The following FAM216A variants were observed in gnomAD, a reference collection of about 807,000 sequenced individuals.
The protein encoded by FAM216A is family with sequence similarity 216 member A, also known as protein FAM216A.
FAM216A carries 26 observed loss-of-function variants against 37.6 expected under a neutral mutation model. The ratio of observed to expected loss-of-function variants is 0.69; its 90% CI spans 0.51 to 0.96. FAM216A has a LOEUF of 0.96. Ranked by LOEUF, FAM216A falls within the 40% of genes least tolerant of loss-of-function variation. FAM216A has a pLI of 0.00. For synonymous variants in FAM216A, 110 were observed against 121.7 expected, an observed-to-expected ratio of 0.90 and a Z score of 0.64; for missense variants, 326 against 339.3, an observed-to-expected ratio of 0.96 and a Z score of 0.31.
intron 1 of FAM216A, among the ~76,000 whole-genome samples, chr12:110,470,529 G>A (rs915674867): frequency 2.0e-5 from 3 of 150,424 alleles, no homozygotes; most frequent in African/African-American, 4.9e-5. Flanking sequence ...CCAGGCTGGA[G>A]TGCAGTGTCA....
chr12:110,486,254 CT>C, intron 3 of FAM216A, 70 bp from the exon 4 acceptor site: 2 of 1,449,368 alleles, frequency 1.4e-6, no homozygotes, highest in Non-Finnish European at 9.3e-7. Flanking sequence ...ACATTCATCT[CT>C]TCAGATAAGG....
At chr12:110,473,366 C>A (rs965322237) in intron 2 of FAM216A, among the ~76,000 whole-genome samples, 1 of 152,092 alleles carries the variant, frequency 6.6e-6, no homozygotes, top group African/African-American at 2.4e-5. Flanking sequence ...TGCGTGCCAC[C>A]ATGCCTGGCT....
chr12:110,488,175 C>T (rs993537419), intron 6 of FAM216A, among the ~76,000 whole-genome samples: 14 of 152,048 alleles, frequency 9.2e-5, no homozygotes, highest in East Asian at 3.9e-4. Flanking sequence ...TTTGGGAGGC[C>T]GAGTCAGGCA....
intron 3 of FAM216A, 79 bp downstream of exon 3, chr12:110,485,278 A>G: frequency 7.5e-7 from 1 of 1,336,538 alleles, no homozygotes; most frequent in Non-Finnish European, 1.0e-6. Flanking sequence ...TCAGCTGCTT[A>G]GAGGGTGAGA....
At chr12:110,481,481 A>G (rs1231926908) in intron 2 of FAM216A, among the ~76,000 whole-genome samples, 3 of 150,760 alleles carry the variant, frequency 2.0e-5, no homozygotes, top group African/African-American at 7.3e-5. Flanking sequence ...AGTAGCTGGG[A>G]TTACAGGGGT....
upstream of FAM216A, chr12:110,468,756 C>T: frequency 7.4e-6 from 11 of 1,480,068 alleles, no homozygotes; most frequent in South Asian, 1.3e-5. Context: ...ATCTGCCCGC[C>T]CCGCTCTCCC....
chr12:110,487,748 G>A (rs1257022382), intron 5 of FAM216A, 113 bp from the exon 6 acceptor site: 6 of 710,624 alleles, frequency 8.4e-6, no homozygotes, highest in Non-Finnish European at 1.5e-5. Context: ...GGTGCTGAAA[G>A]GGTCTTTTTG....
chr12:110,470,039 A>G (rs546647128), intron 1 of FAM216A, among the ~76,000 whole-genome samples: 2 of 151,788 alleles, frequency 1.3e-5, no homozygotes, highest in Admixed American at 1.3e-4. Context: ...AAGAACTGCG[A>G]TATGTTTGCC....
chr12:110,474,946 C>T (rs147846286), intron 2 of FAM216A, among the ~76,000 whole-genome samples: 131 of 151,696 alleles, frequency 8.6e-4, no homozygotes, highest in Non-Finnish European at 1.6e-3. Flanking sequence ...GAGCCGAGAT[C>T]GCGCCATTGA....
At chr12:110,468,749 T>C (rs894468687), upstream of FAM216A, 3 of 1,482,436 alleles carry the variant, frequency 2.0e-6, no homozygotes, top group African/African-American at 4.2e-5. Flanking sequence ...GTCGCGGATC[T>C]GCCCGCCCCG....
chr12:110,488,731 A>T (rs549031052), intron 6 of FAM216A, among the ~76,000 whole-genome samples: 1 of 152,342 alleles, frequency 6.6e-6, no homozygotes, highest in African/African-American at 2.4e-5. Context: ...AATCTTGGAT[A>T]CTACTGAACC....
At position 110,487,894 on chromosome 12, in the gene FAM216A, TA is replaced by T. The variant is rs2135557059; in HGVS notation, c.656del (p.Lys219SerfsTer3). The T allele has an allele frequency of 6.2e-7, 1 of 1,607,254 alleles. No homozygotes were observed. The highest frequency in any genetic ancestry group is 8.5e-7 in the Non-Finnish European group (1 of 1,175,398). ...KTGYASKTRC[K>X]SLKIFRRPRK... ...CTGGATATGCATCTAAAACAAGATG[TA>T]AGTCACTGAAGATTTTTAGAAGACC... On this transcript the variant is annotated frameshift_variant, in exon 6 of 7. Transcript: ENST00000377673. LOFTEE classifies it high-confidence loss of function.
chr12:110,485,344 T>C, intron 3 of FAM216A, 145 bp downstream of exon 3: 1 of 600,746 alleles, frequency 1.7e-6, no homozygotes, highest in Non-Finnish European at 2.8e-6. Flanking sequence ...ATAAATATCT[T>C]TGAGTAAACT....
intron 2 of FAM216A, among the ~76,000 whole-genome samples, chr12:110,479,669 T>G (rs2062735028): frequency 6.6e-6 from 1 of 151,884 alleles, no homozygotes; most frequent in Non-Finnish European, 1.5e-5. Context: ...AAACCCCGTC[T>G]CTACTAAAAA....
chr12:110,474,355 A>C (rs2062703744), intron 2 of FAM216A, among the ~76,000 whole-genome samples: 1 of 152,148 alleles, frequency 6.6e-6, no homozygotes, highest in Admixed American at 6.6e-5. Flanking sequence ...ATATATGCCT[A>C]GTAAAAACTC....
intron 2 of FAM216A, among the ~76,000 whole-genome samples, chr12:110,481,799 T>C (rs1352096572): frequency 6.6e-6 from 1 of 152,162 alleles, no homozygotes; most frequent in Non-Finnish European, 1.5e-5. Flanking sequence ...CTTATATAAA[T>C]AGCCTCTGTT....
intron 2 of FAM216A, among the ~76,000 whole-genome samples, chr12:110,481,067 G>A (rs1355262531): frequency 6.6e-6 from 1 of 151,932 alleles, no homozygotes; most frequent in Non-Finnish European, 1.5e-5. Flanking sequence ...TGTCTTCAGG[G>A]TTCATCCATA....
At chr12:110,486,963 G>A (rs1250429478) in intron 5 of FAM216A, 5 of 424,666 alleles carry the variant, frequency 1.2e-5, no homozygotes, top group Middle Eastern at 6.2e-4. Flanking sequence ...TCACTATGTT[G>A]GCCAAGGTAC....
At chr12:110,488,770 A>C (rs543537641) in intron 6 of FAM216A, among the ~76,000 whole-genome samples, 1 of 152,228 alleles carries the variant, frequency 6.6e-6, no homozygotes, top group Admixed American at 6.5e-5. Context: ...TAAAAAACAC[A>C]TATCTATGAT....
Sources: allele counts gnomAD v4.1 joint callset (sites outside exome capture counted in the v4.1 genomes callset), GRCh38; gene constraint gnomAD v4.1.1; transcripts MANE v1.5; gene names NCBI Gene and HGNC (gene_info 2026-07-23, HGNC 2026-07-21).